The following AZIN2 variants were observed in gnomAD, a reference collection of about 807,000 sequenced individuals.
The protein encoded by AZIN2 is ODC antizyme inhibitor-2.
In AZIN2, 28 loss-of-function variants were observed where a neutral mutation model predicts 47.8. The ratio of observed to expected loss-of-function variants is 0.59; its 90% CI spans 0.43 to 0.80. The LOEUF is 0.80. Ranked by LOEUF, AZIN2 falls within the 30% of genes least tolerant of loss-of-function variation. The pLI is 0.00. For synonymous variants in AZIN2, 221 were observed against 239.4 expected, an observed-to-expected ratio of 0.92 and a Z score of 0.71; for missense variants, 535 against 582.5, an observed-to-expected ratio of 0.92 and a Z score of 0.84.
chr1:33,137,208 C>G, the AZIN2 span, among the ~76,000 whole-genome samples: 1 of 152,076 alleles, frequency 6.6e-6, no homozygotes, highest in Non-Finnish European at 1.5e-5. Flanking sequence ...AGTATGGGGA[C>G]TGGAGGCTAA....
chr1:33,138,289 A>G, the AZIN2 span, among the ~76,000 whole-genome samples: 1 of 152,182 alleles, frequency 6.6e-6, no homozygotes, highest in Non-Finnish European at 1.5e-5. Flanking sequence ...ATGGAATAAC[A>G]ATCTTTTATT....
At chr1:33,110,661 G>A (rs1644246031) in intron 10 of AZIN2, among the ~76,000 whole-genome samples, 1 of 152,106 alleles carries the variant, frequency 6.6e-6, no homozygotes, top group African/African-American at 2.4e-5. Context: ...GGAAGATAGA[G>A]TTGAAGAAAG....
chr1:33,151,704 C>T, the AZIN2 span, among the ~76,000 whole-genome samples: 6 of 152,216 alleles, frequency 3.9e-5, no homozygotes, highest in Admixed American at 6.5e-5. Flanking sequence ...GGCAGCCCGT[C>T]TGGTCTCCAG....
chr1:33,150,290 A>G, the AZIN2 span, among the ~76,000 whole-genome samples: 1 of 151,890 alleles, frequency 6.6e-6, no homozygotes, highest in Non-Finnish European at 1.5e-5. Flanking sequence ...TGGCTGGAGC[A>G]TTCTCCCTAC....
intron 5 of AZIN2, among the ~76,000 whole-genome samples, chr1:33,087,068 G>T (rs1240584190): frequency 6.6e-6 from 1 of 151,602 alleles, no homozygotes; most frequent in Non-Finnish European, 1.5e-5. Flanking sequence ...CACCCCAAAA[G>T]AAACTAGGAC....
At chr1:33,140,737 AG>A in the AZIN2 span, among the ~76,000 whole-genome samples, 2 of 152,102 alleles carry the variant, frequency 1.3e-5, no homozygotes, top group Non-Finnish European at 2.9e-5. This position sits in a 1 kb window ranked among gnomAD's most constrained non-coding sequence, Gnocchi z 4.0. Context: ...TTGCCAGCAA[AG>A]GAGGACCAGG....
Position 33,120,204 on chromosome 1 carries a change from G to C in AZIN2, c.*22G>C. ...GTGAGTGGGCCTCGTTCCCCCCGGA[G>C]AATCCCAGCGGGGCCTCAGAGATGC... On this transcript the variant is annotated 3_prime_UTR_variant, in exon 12 of 12. Coordinates refer to ENST00000294517, the MANE Select transcript of AZIN2 (RefSeq NM_052998.4). 6.3e-7 allele frequency: 1 copy of C among 1,584,012 alleles called. No homozygotes were observed. Among genetic ancestry groups the C allele is most frequent in the East Asian group, 2.3e-5 (1 of 44,184 alleles).
At chr1:33,094,510 G>A (rs749629003) in intron 7 of AZIN2, 38 bp from the exon 8 acceptor site, 4 of 1,589,720 alleles carry the variant, frequency 2.5e-6, no homozygotes, top group Non-Finnish European at 3.4e-6. Flanking sequence ...GGCACTTGGA[G>A]CCCTGCATGT....
Position 33,094,477 on chromosome 1 carries a change from T to C in AZIN2, c.588-71T>C. On this transcript the variant is annotated intron_variant, in intron 7 of 11. Transcript: ENST00000294517. ...TGTCTCATGTGCCTGCCCAATGTCA[T>C]TCTTGGCTGGGGCTCAGGTGGTGGC... 2.7e-6 allele frequency: 4 copies of C among 1,506,320 alleles called. No homozygotes were observed. The Admixed American group carries it at 7.2e-5, about 27-fold the overall frequency. 93.3% of individuals were successfully genotyped at this position (1,506,320 alleles called of 1,614,324 possible).
At position 33,082,350 on chromosome 1, in the gene AZIN2, C is replaced by T; in HGVS notation, c.101C>T (p.Thr34Ile). The T allele has an allele frequency of 6.2e-7, 1 of 1,612,928 alleles. No homozygotes were observed. The highest frequency in any genetic ancestry group is 8.5e-7 in the Non-Finnish European group (1 of 1,179,388). ...CTCACTCTGGGGGCCTCACAGGCCA[C>T]CACGGTGAGGGGCTGGGAATGGGGG... Reference protein sequence around the residue: ...KELTLGASQATTDEVAAFFVA... With the variant: ...KELTLGASQAITDEVAAFFVA... The change falls in exon 4 of 12, where the codon ACC (threonine) becomes ATC (isoleucine). Residue 34 changes from threonine to isoleucine, a missense_variant. By Grantham distance (89) the Thr-to-Ile change is moderately conservative. Coordinates refer to ENST00000294517, the MANE Select transcript of AZIN2 (RefSeq NM_052998.4).
At chr1:33,100,410 C>CTGTTT in intron 10 of AZIN2, among the ~76,000 whole-genome samples, 1 of 151,792 alleles carries the variant, frequency 6.6e-6, no homozygotes, top group Non-Finnish European at 1.5e-5. Flanking sequence ...ATGCTTGGCC[C>CTGTTT]TTTTTTGTGT....
chr1:33,138,397 C>T, the AZIN2 span, among the ~76,000 whole-genome samples: 313 of 152,236 alleles, frequency 2.1e-3, no homozygotes, highest in African/African-American at 7.3e-3. Flanking sequence ...TGCAGTGGTT[C>T]ATGCCTGTAA....
In AZIN2 at chr1:33,081,729, G is replaced by T; in HGVS notation, c.-156G>T. The T allele has an allele frequency of 5.2e-6, 1 of 190,504 alleles. No homozygotes were observed. The allele number at this position is 190,504 out of a possible 1,614,324, so 11.8% of individuals were successfully genotyped here. ...TCCGAAAGGGTCAGAGGGTACCCGA[G>T]GTCAAGCAGTAGAGAGCGGACTCGA... On this transcript the variant is annotated 5_prime_UTR_variant, in exon 3 of 12. The change creates a new upstream start codon in the 5' untranslated region. Coordinates refer to ENST00000294517, the MANE Select transcript of AZIN2 (RefSeq NM_052998.4). This position sits in a 1 kb window ranked among gnomAD's most constrained non-coding sequence, Gnocchi z 4.2.
chr1:33,097,004 G>A lies in AZIN2; in HGVS notation c.916+135G>A, dbSNP rs554819279. The stretch of plus-strand genomic sequence containing the variant: ...AGAATGAATGGGTTCTTGCTTTAGG[G>A]AAACTTTCAGTCAAGTCGCCCCACC... On this transcript the variant is annotated intron_variant, in intron 9 of 11. Transcript: ENST00000294517. 2.3e-3 allele frequency: 2,427 copies of A among 1,057,498 alleles called. 6 individuals carry two copies. Among genetic ancestry groups the A allele is most frequent in the Non-Finnish European group, 2.5e-3 (1,834 of 732,378 alleles). The allele number at this position is 1,057,498 out of a possible 1,614,324, so 65.5% of individuals were successfully genotyped here. A position where few individuals can be genotyped will look rare whatever the true frequency, so the allele number is the denominator to read the frequency against.
chr1:33,093,909 T>G (rs1642858346), intron 7 of AZIN2, among the ~76,000 whole-genome samples: 1 of 152,084 alleles, frequency 6.6e-6, no homozygotes, highest in African/African-American at 2.4e-5. Context: ...TAATTTTTAT[T>G]TGTTGTAGAG....
the AZIN2 span, among the ~76,000 whole-genome samples, chr1:33,138,952 G>C: frequency 2.6e-5 from 4 of 152,210 alleles, no homozygotes; most frequent in African/African-American, 7.2e-5. Context: ...TGTGAAAGAT[G>C]ATCATATTTG....
the AZIN2 span, chr1:33,146,897 T>G: frequency 2.0e-5 from 9 of 442,780 alleles, no homozygotes; most frequent in East Asian, 4.1e-5. Context: ...AAGATGGGGA[T>G]GAGGGTTGGG....
chr1:33,162,579 G>A, the AZIN2 span, among the ~76,000 whole-genome samples: 1 of 152,206 alleles, frequency 6.6e-6, no homozygotes, highest in Admixed American at 6.5e-5. Flanking sequence ...TTGCTTGAGG[G>A]GTGAAGGAGG....
At chr1:33,141,845 A>T in the AZIN2 span, 2 of 166,206 alleles carry the variant, frequency 1.2e-5, no homozygotes, top group African/African-American at 4.8e-5. Flanking sequence ...TTAAAAAAAA[A>T]TAGAAAACTG....
Sources: gnomAD v4.1 joint callset for allele counts (sites outside exome capture counted in the v4.1 genomes callset) on GRCh38, gnomAD v4.1.1 for gene constraint, Gnocchi (gnomAD v3.1) non-coding constraint, MANE v1.5 for transcripts, NCBI Gene and HGNC (gene_info 2026-07-23, HGNC 2026-07-21) for gene names.